The following KBTBD2 variants were observed in gnomAD, a reference collection of about 807,000 sequenced individuals.
The protein encoded by KBTBD2 is kelch repeat and BTB domain containing 2.
A neutral mutation model predicts 57.1 loss-of-function variants in KBTBD2; 17 were observed. The observed-to-expected ratio is 0.30, with a 90% confidence interval of 0.20 to 0.45. KBTBD2 has a LOEUF of 0.45. Among genes scored for constraint, KBTBD2 ranks in the 20% least tolerant of loss-of-function variants. KBTBD2 has a pLI of 1.00. For synonymous variants in KBTBD2, 267 were observed against 262.7 expected (o/e 1.02, Z -0.16); for missense variants, 515 against 750.6 (o/e 0.69, Z 3.67).
At position 32,879,479 on chromosome 7, in the gene KBTBD2, G is replaced by C; in HGVS notation, c.126C>G (p.Phe42Leu). The stretch of plus-strand genomic sequence containing the variant: ...TTGCAAGAACCATCTTATGACAAGG[G>C]AATTCAGTGCCCTCAACAATTAACA... The part of the protein sequence containing the change: ...DIVLIVEGTE[F>L]PCHKMVLATC... The change falls in exon 2 of 4, where the codon TTC (phenylalanine) becomes TTG (leucine). Residue 42 changes from phenylalanine (F) to leucine (L), a missense_variant. Coordinates refer to ENST00000304056, the MANE Select transcript of KBTBD2 (RefSeq NM_015483.3). 1 of 1,613,048 alleles carries C rather than the reference G, an allele frequency of 6.2e-7. No homozygotes were observed. Among genetic ancestry groups the C allele is most frequent in the Non-Finnish European group, 8.5e-7 (1 of 1,179,278 alleles).
In KBTBD2 at chr7:32,869,615, T is replaced by C. The variant is rs1389462197; in HGVS notation, c.1602A>G (p.Leu534=). 1.2e-5 allele frequency: 19 copies of C among 1,614,020 alleles called. No individual in the cohort carries two copies. Among genetic ancestry groups the C allele is most frequent in the East Asian group, 6.7e-5 (3 of 44,896 alleles). The part of the protein sequence containing the change: ...CVRAVVISNS[L]CVFMRETHLN... ...AGTGGGTTTCTCGCATAAACACACATAGAGAATTTGAGATCACAACAGCTC... is the reference window on the plus strand; with the variant it reads ...AGTGGGTTTCTCGCATAAACACACACAGAGAATTTGAGATCACAACAGCTC... The change falls in exon 4 of 4, where the codon CTA becomes CTG. Residue 534 remains leucine (L), a synonymous_variant. Coordinates refer to ENST00000304056, the MANE Select transcript of KBTBD2 (RefSeq NM_015483.3).
intron 1 of KBTBD2, among the ~76,000 whole-genome samples, chr7:32,883,594 A>G (rs1361141227): frequency 6.6e-6 from 1 of 152,228 alleles, no homozygotes; most frequent in African/African-American, 2.4e-5. Context: ...TTCCCTTTTC[A>G]ATAATTACAT....
intron 1 of KBTBD2, among the ~76,000 whole-genome samples, chr7:32,888,572 CA>C: frequency 6.6e-6 from 1 of 151,062 alleles, no homozygotes; most frequent in Non-Finnish European, 1.5e-5. Flanking sequence ...ACAAAAAAAC[CA>C]AAAAAACAAA....
At chr7:32,883,604 T>C (rs913596818) in intron 1 of KBTBD2, among the ~76,000 whole-genome samples, 8 of 152,242 alleles carry the variant, frequency 5.3e-5, no homozygotes, top group South Asian at 4.1e-4. Flanking sequence ...AATAATTACA[T>C]TTTGTATATC....
chr7:32,882,852 A>T (rs1032365165), intron 1 of KBTBD2, among the ~76,000 whole-genome samples: 2 of 151,428 alleles, frequency 1.3e-5, no homozygotes, highest in Non-Finnish European at 2.9e-5. Context: ...TGGACATGGT[A>T]GCACGTGCTG....
chr7:32,873,155 A>G (rs1189368210), intron 3 of KBTBD2, among the ~76,000 whole-genome samples: 1 of 152,148 alleles, frequency 6.6e-6, no homozygotes, highest in Non-Finnish European at 1.5e-5. Flanking sequence ...TGAAATGAAG[A>G]AAAAAACTCT....
intron 1 of KBTBD2, among the ~76,000 whole-genome samples, chr7:32,886,694 TATAAA>T (rs1335493424): frequency 6.6e-6 from 1 of 152,176 alleles, no homozygotes; most frequent in African/African-American, 2.4e-5. Context: ...TTAACTTTCC[TATAAA>T]ATAACAGTAT....
intron 2 of KBTBD2, among the ~76,000 whole-genome samples, chr7:32,875,634 T>C (rs1457979732): frequency 6.6e-6 from 1 of 152,186 alleles, no homozygotes; most frequent in African/African-American, 2.4e-5. Context: ...ACCAGACTAT[T>C]CCACCATGCC....
intron 1 of KBTBD2, among the ~76,000 whole-genome samples, chr7:32,886,398 G>GT (rs1281484314): frequency 4.6e-5 from 7 of 152,174 alleles, no homozygotes; most frequent in Non-Finnish European, 1.0e-4. Context: ...TTGAAACATT[G>GT]TTACTAAATG....
rs2127946683 is a variant in KBTBD2, at chr7:32,869,096, T to TA, written c.*248dup. 5.1e-6 allele frequency: 2 copies of TA among 391,240 alleles called. No individual in the cohort carries two copies. The highest frequency in any genetic ancestry group is 4.7e-5 in the East Asian group (1 of 21,170). The allele number at this position is 391,240 out of a possible 1,614,324, so 24.2% of individuals were successfully genotyped here. ...AACAATGTTAGATAATCCAGATTCT[T>TA]ATACTCTCATGATTACACATAAAGT... On this transcript the variant is annotated 3_prime_UTR_variant, in exon 4 of 4. Transcript: ENST00000304056.
rs1348327736 is a variant in KBTBD2, at chr7:32,869,722, C to G, written c.1495G>C (p.Val499Leu). The change falls in exon 4 of 4, where the codon GTG (valine) becomes CTG (leucine). Residue 499 changes from valine to leucine, a missense_variant. By Grantham distance (32) the Val-to-Leu change is conservative. Transcript: ENST00000304056. ...SGTVDGSSVT[V>L]EIYDVNKNEW... ...TTTTTATTCACATCATAAATTTCCACAGTTACTGAAGACCCATCTACAGTG... is the reference window on the plus strand; with the variant it reads ...TTTTTATTCACATCATAAATTTCCAGAGTTACTGAAGACCCATCTACAGTG... 1 of 1,614,066 alleles carries G rather than the reference C, an allele frequency of 6.2e-7. No individual in the cohort carries two copies. The highest frequency in any genetic ancestry group is 8.5e-7 in the Non-Finnish European group (1 of 1,180,000).
upstream of KBTBD2, chr7:32,892,073 C>T (rs1375253127): frequency 6.6e-6 from 1 of 151,916 alleles, no homozygotes; most frequent in East Asian, 1.9e-4. Flanking sequence ...GCGACCGTCC[C>T]CCGCCCCTCC....
chr7:32,891,264 T>G (rs3750081), intron 1 of KBTBD2: 72,186 of 148,792 alleles, frequency 0.49, 19,166 homozygotes, highest in African/African-American at 0.71. Context: ...AACGCCCAGC[T>G]AGCGGCGTAC....
chr7:32,882,204 A>ATATAATATGCAT (rs1784460272), intron 1 of KBTBD2, among the ~76,000 whole-genome samples: 1 of 152,196 alleles, frequency 6.6e-6, no homozygotes, highest in African/African-American at 2.4e-5. Flanking sequence ...TTACAGAAAT[A>ATATAATATGCAT]TATGCATTAA....
Position 32,870,641 on chromosome 7 carries a change from T to C in KBTBD2, c.576A>G (p.Glu192=), listed in dbSNP as rs1784151165. ...SSDNLNVEKE[E]TVREAAMLWL... ...ACAGCATAGCAGCTTCTCGAACGGT[T>C]TCTTCCTTTTCTACATTTAAATTGT... Residue 192 remains glutamate, a synonymous_variant, in exon 4 of 4, where the codon GAA becomes GAG. Coordinates refer to ENST00000304056, the MANE Select transcript of KBTBD2 (RefSeq NM_015483.3). 1 of 1,614,102 alleles carries C rather than the reference T, an allele frequency of 6.2e-7. No individual in the cohort carries two copies. The highest frequency in any genetic ancestry group is 8.5e-7 in the Non-Finnish European group (1 of 1,179,994).
At chr7:32,871,567 C>CA (rs1262097132) in intron 3 of KBTBD2, among the ~76,000 whole-genome samples, 1 of 152,128 alleles carries the variant, frequency 6.6e-6, no homozygotes, top group African/African-American at 2.4e-5. Context: ...TTTACACTGA[C>CA]AAGTCAGGTT....
At chr7:32,888,846 G>A (rs1434356346) in intron 1 of KBTBD2, among the ~76,000 whole-genome samples, 1 of 152,064 alleles carries the variant, frequency 6.6e-6, no homozygotes, top group East Asian at 1.9e-4. Context: ...CAGGTCACAA[G>A]TACAAGCTGT....
chr7:32,884,461 G>T (rs1429211947), intron 1 of KBTBD2, among the ~76,000 whole-genome samples: 15 of 151,154 alleles, frequency 9.9e-5, no homozygotes, highest in Admixed American at 9.9e-4. Context: ...AGGCTGAGGT[G>T]GACAGATCAC....
At chr7:32,888,632 T>C in intron 1 of KBTBD2, among the ~76,000 whole-genome samples, 1 of 151,646 alleles carries the variant, frequency 6.6e-6, no homozygotes, top group East Asian at 1.9e-4. Context: ...TTCAGCATAC[T>C]TGCAGTGAGC....
Sources: gnomAD v4.1 joint callset for allele counts (sites outside exome capture counted in the v4.1 genomes callset) on GRCh38, gnomAD v4.1.1 for gene constraint, MANE v1.5 for transcripts, NCBI Gene and HGNC (gene_info 2026-07-23, HGNC 2026-07-21) for gene names.